Variants in CFDP1 observed in about 807,000 individuals in gnomAD.
The protein encoded by CFDP1 is heterochromatin-stabilizing protein CFDP1.
A neutral mutation model predicts 40.1 loss-of-function variants in CFDP1; 31 were observed. That is an observed-to-expected ratio of 0.77 (90% CI 0.58 to 1.04). The LOEUF (loss-of-function observed/expected upper bound fraction) is 1.04, where lower values mean the gene tolerates loss of function less well. Among genes scored for constraint, CFDP1 ranks in the 50% least tolerant of loss-of-function variants. The pLI is 0.00. For missense variants in CFDP1, 423 were observed against 343.4 expected (o/e 1.23, Z -1.83); for synonymous variants, 167 against 120.0 (o/e 1.39, Z -2.56).
chr16:75,367,451 T>C (rs1366984939), intron 5 of CFDP1, among the ~76,000 whole-genome samples: 2 of 145,922 alleles, frequency 1.4e-5, no homozygotes, highest in Admixed American at 6.9e-5. Flanking sequence ...AAAAAAAAAT[T>C]GCTAGGGATA....
chr16:75,414,428 G>A (rs2079187158), intron 2 of CFDP1, 150 bp downstream of exon 2: 2 of 638,796 alleles, frequency 3.1e-6, no homozygotes, highest in African/African-American at 1.8e-5. Flanking sequence ...AGACCAAGAA[G>A]TTAATCCTAA....
At chr16:75,364,149 AAAC>A (rs1051467150) in intron 5 of CFDP1, among the ~76,000 whole-genome samples, 3 of 107,330 alleles carry the variant, frequency 2.8e-5, no homozygotes, top group Admixed American at 2.3e-4. Context: ...ACAAACAAAC[AAAC>A]AAAAAAAACT....
At chr16:75,391,963 G>C (rs967493341) in intron 5 of CFDP1, among the ~76,000 whole-genome samples, 1 of 151,438 alleles carries the variant, frequency 6.6e-6, no homozygotes, top group East Asian at 1.9e-4. Flanking sequence ...GCAAGACTCC[G>C]TCTCAAAAAA....
chr16:75,425,355 C>A (rs2079326593), intron 1 of CFDP1, among the ~76,000 whole-genome samples: 1 of 142,426 alleles, frequency 7.0e-6, no homozygotes. Flanking sequence ...CCACTGCACT[C>A]CAGCCTGGGC....
At chr16:75,417,668 T>C (rs765832572) in intron 1 of CFDP1, among the ~76,000 whole-genome samples, 4 of 152,154 alleles carry the variant, frequency 2.6e-5, no homozygotes, top group Non-Finnish European at 5.9e-5. Context: ...TCTACAGAAC[T>C]TTGAAAATCT....
intron 5 of CFDP1, among the ~76,000 whole-genome samples, chr16:75,374,009 T>C (rs1449030000): frequency 3.3e-5 from 5 of 152,116 alleles, no homozygotes; most frequent in Admixed American, 3.3e-4. Context: ...TCCCAGCACT[T>C]TGGGAGGCCA....
At chr16:75,427,402 C>G (rs968615543) in intron 1 of CFDP1, among the ~76,000 whole-genome samples, 1 of 152,014 alleles carries the variant, frequency 6.6e-6, no homozygotes, top group Admixed American at 6.6e-5. Context: ...AGGCATGCAC[C>G]ACCATGCCCG....
intron 1 of CFDP1, among the ~76,000 whole-genome samples, chr16:75,415,840 C>T (rs1373902819): frequency 6.6e-6 from 1 of 152,122 alleles, no homozygotes; most frequent in Non-Finnish European, 1.5e-5. Flanking sequence ...TGTGATACTC[C>T]TGTGCATCCA....
chr16:75,305,020 T>C lies in CFDP1; in HGVS notation c.809+4A>G. 6.2e-7 allele frequency: 1 copy of C among 1,613,634 alleles called. No homozygotes were observed. Among genetic ancestry groups the C allele is most frequent in the Non-Finnish European group, 8.5e-7 (1 of 1,179,816 alleles). ...TCCAAGGCATAAAACCTACTCCTTC[T>C]TACCCCTCTTTCCCTCGATTATGGA... is the stretch of plus-strand genomic sequence containing the variant. On this transcript the variant is annotated splice_donor_region_variant and intron_variant, in intron 6 of 6. Coordinates refer to ENST00000283882, the MANE Select transcript of CFDP1 (RefSeq NM_006324.3).
chr16:75,431,402 C>T (rs1174384194), intron 1 of CFDP1, among the ~76,000 whole-genome samples: 1 of 122,110 alleles, frequency 8.2e-6, no homozygotes, highest in Admixed American at 1.1e-4. Context: ...TGCAGTGAGA[C>T]GAGATCCCGC....
At chr16:75,341,662 A>G (rs962324947) in intron 5 of CFDP1, among the ~76,000 whole-genome samples, 6 of 149,088 alleles carry the variant, frequency 4.0e-5, no homozygotes, top group Non-Finnish European at 6.0e-5. Flanking sequence ...GTAGAAAGGA[A>G]AAAAAAAAAA....
intron 1 of CFDP1, among the ~76,000 whole-genome samples, chr16:75,432,766 G>A (rs1187864231): frequency 6.6e-6 from 1 of 152,194 alleles, no homozygotes; most frequent in African/African-American, 2.4e-5. Context: ...TTCGGGTTGA[G>A]ATCCCTAAGG....
At chr16:75,349,674 A>ATATATATAT (rs2078595517) in intron 5 of CFDP1, among the ~76,000 whole-genome samples, 1 of 5,892 alleles carries the variant, frequency 1.7e-4, no homozygotes, top group South Asian at 4.0e-3. Flanking sequence ...AAAAAAAAAA[A>ATATATATAT]AAAAAAAAAA....
At chr16:75,432,726 A>G (rs1355011398) in intron 1 of CFDP1, among the ~76,000 whole-genome samples, 1 of 152,158 alleles carries the variant, frequency 6.6e-6, no homozygotes, top group African/African-American at 2.4e-5. Context: ...GAACAGAAAG[A>G]TTTCTTCAGT....
At chr16:75,425,753 G>A (rs892698827) in intron 1 of CFDP1, among the ~76,000 whole-genome samples, 1 of 151,906 alleles carries the variant, frequency 6.6e-6, no homozygotes, top group African/African-American at 2.4e-5. Context: ...GTAAATGCTG[G>A]CCGGGCACGG....
intron 2 of CFDP1, among the ~76,000 whole-genome samples, chr16:75,414,221 T>C (rs893695944): frequency 2.0e-5 from 3 of 151,506 alleles, no homozygotes; most frequent in African/African-American, 7.3e-5. Flanking sequence ...AAAAAAAAAA[T>C]GAAGAAAATA....
intron 5 of CFDP1, among the ~76,000 whole-genome samples, chr16:75,335,756 C>T (rs911719400): frequency 2.6e-5 from 4 of 152,062 alleles, no homozygotes; most frequent in African/African-American, 9.7e-5. Flanking sequence ...CGGGGTTTCA[C>T]CGTGTTAGCC....
intron 1 of CFDP1, 54 bp from the exon 2 acceptor site, chr16:75,414,749 T>A: frequency 8.3e-7 from 1 of 1,208,822 alleles, no homozygotes; most frequent in Non-Finnish European, 1.2e-6. Context: ...CACATCAAGA[T>A]GAGACATTTT....
intron 5 of CFDP1, among the ~76,000 whole-genome samples, chr16:75,312,857 A>T (rs1008480171): frequency 6.6e-6 from 1 of 152,246 alleles, no homozygotes. Flanking sequence ...TCCCAAAAGC[A>T]GTAGAGGTAC....
Sources: gnomAD v4.1 joint callset for allele counts (sites outside exome capture counted in the v4.1 genomes callset) on GRCh38, gnomAD v4.1.1 for gene constraint, MANE v1.5 for transcripts, NCBI Gene and HGNC (gene_info 2026-07-23, HGNC 2026-07-21) for gene names.